KLC3: variants seen among roughly 807,000 people sequenced by gnomAD.
KLC3 encodes the protein kinesin light chain 3, also known as kinesin light chain 2.
Under a neutral mutation model 62.9 loss-of-function variants are expected in KLC3, and 72 were observed. That is an observed-to-expected ratio of 1.15 (90% CI 0.95 to 1.39). The LOEUF is 1.39. Ranked by LOEUF, KLC3 falls within the 40% of genes most tolerant of loss-of-function variation. KLC3 has a pLI of 0.00. For missense variants in KLC3, 848 were observed against 691.6 expected (o/e 1.23, Z -2.54); for synonymous variants, 377 against 300.5 (o/e 1.25, Z -2.63).
intron 3 of KLC3, 96 bp from the exon 4 acceptor site, chr19:45,347,351 A>AC (rs1278136539): frequency 2.2e-6 from 2 of 922,904 alleles, no homozygotes; most frequent in Admixed American, 5.1e-5. Flanking sequence ...AAAAAAAAAA[A>AC]AAAAACAAAA....
rs1426992635 is a variant in KLC3, at chr19:45,350,005, C to G, written c.1144-336C>G. The G allele has an allele frequency of 6.8e-6, 3 of 441,250 alleles. No homozygotes were observed. The East Asian group carries it at 1.2e-4, about 17-fold the overall frequency. The allele number at this position is 441,250 out of a possible 1,614,324, so 27.3% of individuals were successfully genotyped here. A position where few individuals can be genotyped will look rare whatever the true frequency, so the allele number is the denominator to read the frequency against. ...TGCCACCAGCCCAAAGTACAGCAGACAGGCTCAGAAACAGGAGGCTGCCTG... is the reference window on the plus strand; with the variant it reads ...TGCCACCAGCCCAAAGTACAGCAGAGAGGCTCAGAAACAGGAGGCTGCCTG... On this transcript the variant is annotated intron_variant, in intron 8 of 12. Coordinates refer to ENST00000391946, the MANE Select transcript of KLC3 (RefSeq NM_177417.3).
At chr19:45,342,308 G>A (rs539897059) in intron 1 of KLC3, among the ~76,000 whole-genome samples, 2 of 152,074 alleles carry the variant, frequency 1.3e-5, no homozygotes, top group Non-Finnish European at 1.5e-5. Context: ...CAGATTGGCC[G>A]GGTGCAGTGG....
intron 1 of KLC3, among the ~76,000 whole-genome samples, chr19:45,342,781 AAATTT>A (rs544257432): frequency 1.9e-4 from 29 of 152,250 alleles, no homozygotes; most frequent in African/African-American, 5.5e-4. Context: ...AAATAAAATT[AAATTT>A]TTTAAAGGTT....
intron 1 of KLC3, among the ~76,000 whole-genome samples, chr19:45,341,186 T>TGTGTGTGTGTGTGTG (rs1568519123): frequency 2.2e-4 from 25 of 111,924 alleles, no homozygotes; most frequent in African/African-American, 8.9e-4. Flanking sequence ...CTGCCTGTGT[T>TGTGTGTGTGTGTGTG]TGTGTGTGTG....
At position 45,348,736 on chromosome 19, in the gene KLC3, G is replaced by C. The variant is rs1568524604; in HGVS notation, c.867+3G>C. On this transcript the variant is annotated splice_donor_region_variant and intron_variant, in intron 6 of 12. Transcript: ENST00000391946. ...CGCTGGGCCCTGAGCACCCCGCGGT[G>C]AGTGGGGCCCCAGGGAGACGAAGTG... The C allele has an allele frequency of 6.3e-7, 1 of 1,582,542 alleles. No homozygotes were observed. Among genetic ancestry groups the C allele is most frequent in the Admixed American group, 1.8e-5 (1 of 55,122 alleles).
chr19:45,347,899 A>G, intron 4 of KLC3, 42 bp from the exon 5 acceptor site: 1 of 1,494,740 alleles, frequency 6.7e-7, no homozygotes, highest in Non-Finnish European at 9.2e-7. Context: ...CTGGAGGGGC[A>G]GGAGGCTTGC....
At chr19:45,349,156 C>G (rs1971591906) in intron 7 of KLC3, among the ~76,000 whole-genome samples, 1 of 152,022 alleles carries the variant, frequency 6.6e-6, no homozygotes, top group Non-Finnish European at 1.5e-5. Flanking sequence ...CCAACTGGGT[C>G]CCCCCATAGC....
chr19:45,348,516 C>G (rs1599710955), intron 5 of KLC3, 130 bp from the exon 6 acceptor site: 1 of 869,298 alleles, frequency 1.2e-6, no homozygotes, highest in East Asian at 2.6e-5. Context: ...ACAAAAGGCC[C>G]TCAAAGGGTG....
chr19:45,349,031 T>C (rs1482646478), intron 7 of KLC3, 110 bp downstream of exon 7: 6 of 937,926 alleles, frequency 6.4e-6, no homozygotes, highest in Non-Finnish European at 9.6e-6. Flanking sequence ...TTGCGTTTGG[T>C]ATTGGGAGAC....
chr19:45,348,994 A>T, intron 7 of KLC3, 73 bp downstream of exon 7: 1 of 1,329,102 alleles, frequency 7.5e-7, no homozygotes, highest in South Asian at 1.3e-5. Context: ...CTGAGCACGT[A>T]CATCGTGACC....
chr19:45,348,763 G>A (rs1445242553), intron 6 of KLC3, 30 bp downstream of exon 6: 1 of 1,563,548 alleles, frequency 6.4e-7, no homozygotes, highest in South Asian at 1.2e-5. Flanking sequence ...GACGAAGTGG[G>A]GTCAAAGTGG....
Position 45,348,679 on chromosome 19 carries a change from T to C in KLC3, c.813T>C (p.Leu271=), listed in dbSNP as rs185849068. 6 of 1,595,026 alleles carry C rather than the reference T, an allele frequency of 3.8e-6. No individual in the cohort carries two copies. The highest frequency in any genetic ancestry group is 4.6e-5 in the East Asian group (2 of 43,722). Residue 271 remains leucine, a synonymous_variant, in exon 6 of 13, where the codon CTT becomes CTC. Transcript: ENST00000391946. ...DQNKYKEATD[L]LHDALQIREQ... The stretch of plus-strand genomic sequence containing the variant: ...ACAAGTACAAAGAAGCCACAGACCT[T>C]CTCCATGATGCCCTGCAGATCCGGG...
chr19:45,349,372 G>A (rs1568525285), intron 7 of KLC3, 57 bp from the exon 8 acceptor site: 2 of 1,524,120 alleles, frequency 1.3e-6, no homozygotes, highest in South Asian at 1.2e-5. Flanking sequence ...CAGCAGTGAT[G>A]TCACGTGTCC....
At chr19:45,345,484 C>G (rs2123179844) in intron 1 of KLC3, 50 bp from the exon 2 acceptor site, 2 of 1,549,730 alleles carry the variant, frequency 1.3e-6, no homozygotes. Context: ...TGGGGGCCAA[C>G]TGACTGGCCC....
intron 8 of KLC3, 95 bp downstream of exon 8, chr19:45,349,697 G>GGGGT: frequency 4.6e-6 from 3 of 649,748 alleles, no homozygotes; most frequent in South Asian, 5.0e-5. Context: ...ACGTGAGGGT[G>GGGGT]GGGGGGGGCC....
rs1040897551 is a variant in KLC3 at position 45,350,666 on chromosome 19, C to T, written c.1298C>T (p.Ser433Phe). 35 of 1,613,742 alleles carry T rather than the reference C, an allele frequency of 2.2e-5. No individual in the cohort carries two copies. The Middle Eastern group carries it at 4.9e-4, about 23-fold the overall frequency. ...GCCCTTCGCCGCAGCAGCTCACTCT[C>T]CAAGATCCGTGAGTCTATCAGGCGA... Reference protein sequence around the residue: ...EQALRRSSSLSKIRESIRRGS... With the variant: ...EQALRRSSSLFKIRESIRRGS... The change falls in exon 11 of 13, where the codon TCC becomes TTC. Residue 433 changes from serine (S) to phenylalanine (F), a missense_variant. Transcript: ENST00000391946.
chr19:45,341,186 T>TGTGTGTGTGTGTG (rs1568519123), intron 1 of KLC3, among the ~76,000 whole-genome samples: 27 of 111,926 alleles, frequency 2.4e-4, no homozygotes, highest in African/African-American at 1.0e-3. Context: ...CTGCCTGTGT[T>TGTGTGTGTGTGTG]TGTGTGTGTG....
Position 45,351,464 on chromosome 19 carries a change from G to T in KLC3, c.*107G>T. Reference sequence around the variant, plus strand: ...TCTCCTGGCCCCCCCTTGCCTCTGGGTACCTGGTGGATAGCTGCCTTCTCC... The same window carrying T: ...TCTCCTGGCCCCCCCTTGCCTCTGGTTACCTGGTGGATAGCTGCCTTCTCC... On this transcript the variant is annotated 3_prime_UTR_variant, in exon 13 of 13. Transcript: ENST00000391946. 1 of 1,583,784 alleles carries T rather than the reference G, an allele frequency of 6.3e-7. No individual in the cohort carries two copies. Among genetic ancestry groups the T allele is most frequent in the Non-Finnish European group, 8.6e-7 (1 of 1,168,982 alleles).
At chr19:45,350,908 G>GC in intron 11 of KLC3, 46 bp from the exon 12 acceptor site, 3 of 1,594,556 alleles carry the variant, frequency 1.9e-6, no homozygotes, top group Non-Finnish European at 2.6e-6. Flanking sequence ...GTGGAGGGGG[G>GC]CCACTCCTGG....
Sources: allele counts gnomAD v4.1 joint callset (sites outside exome capture counted in the v4.1 genomes callset), GRCh38; gene constraint gnomAD v4.1.1; transcripts MANE v1.5; gene names NCBI Gene and HGNC (gene_info 2026-07-23, HGNC 2026-07-21).